Variants in DACH2 observed in about 807,000 individuals in gnomAD.
The protein encoded by DACH2 is dachshund homolog 2.
In DACH2, 17 loss-of-function variants were observed where a neutral mutation model predicts 35.8. That is an observed-to-expected ratio of 0.48 (90% CI 0.33 to 0.71). DACH2 has a LOEUF of 0.71. Among genes scored for constraint, DACH2 ranks in the 30% least tolerant of loss-of-function variants. DACH2 has a pLI of 0.02. For missense variants in DACH2, 469 were observed against 472.7 expected, an observed-to-expected ratio of 0.99 and a Z score of 0.07; for synonymous variants, 195 against 177.3, an observed-to-expected ratio of 1.10 and a Z score of -0.79.
intron 3 of DACH2, among the ~76,000 whole-genome samples, chrX:86,528,237 T>A (rs2038662262): frequency 8.9e-6 from 1 of 111,744 alleles, no homozygotes; most frequent in Non-Finnish European, 1.9e-5. Context: ...AAACAAATAT[T>A]TGCAAACTAA....
At chrX:86,205,432 TCCTCCCTCCCTC>T (rs1249351925) in intron 1 of DACH2, among the ~76,000 whole-genome samples, 5 of 15,818 alleles carry the variant, frequency 3.2e-4, no homozygotes, top group South Asian at 4.8e-3. Flanking sequence ...CTTCCCTCCC[TCCTCCCTCCCTC>T]CCTCCCTCCC....
intron 2 of DACH2, among the ~76,000 whole-genome samples, chrX:86,510,708 T>G (rs1445837323): frequency 9.0e-6 from 1 of 111,410 alleles, no homozygotes; most frequent in African/African-American, 3.3e-5. Flanking sequence ...GCTGAGGTAT[T>G]TATTAAGTTT....
chrX:86,620,125 C>CTTTTA (rs1317061993), intron 3 of DACH2, among the ~76,000 whole-genome samples: 1 of 111,860 alleles, frequency 8.9e-6, no homozygotes, highest in African/African-American at 3.3e-5. Context: ...AAGTGGCTAA[C>CTTTTA]TTTTATTTTA....
intron 1 of DACH2, among the ~76,000 whole-genome samples, chrX:86,311,907 G>A (rs1023678962): frequency 2.7e-5 from 3 of 111,361 alleles, no homozygotes; most frequent in African/African-American, 6.5e-5. Context: ...CCATTAGGGC[G>A]TCTTTTAGTA....
At chrX:86,360,201 G>GT (rs1376936914) in intron 1 of DACH2, among the ~76,000 whole-genome samples, 41 of 111,074 alleles carry the variant, frequency 3.7e-4, no homozygotes, top group South Asian at 7.5e-4. Flanking sequence ...ACATCTATAT[G>GT]TTTTTTTCTT....
At chrX:86,399,304 C>T (rs1191991196) in intron 2 of DACH2, among the ~76,000 whole-genome samples, 2 of 111,659 alleles carry the variant, frequency 1.8e-5, no homozygotes, top group Non-Finnish European at 1.9e-5. Context: ...TTCCTGAATA[C>T]AGCACACTGA....
At chrX:86,552,649 C>T (rs763011021) in intron 3 of DACH2, among the ~76,000 whole-genome samples, 3 of 112,041 alleles carry the variant, frequency 2.7e-5, no homozygotes, top group South Asian at 3.7e-4. Flanking sequence ...CACATGTAGT[C>T]AAGTGTACTA....
At chrX:86,391,029 C>G (rs1253453835) in intron 2 of DACH2, among the ~76,000 whole-genome samples, 1 of 109,047 alleles carries the variant, frequency 9.2e-6, no homozygotes, top group Non-Finnish European at 1.9e-5. Flanking sequence ...GCCTGTAATC[C>G]CAGCACTTTG....
At position 86,785,234 on chromosome X, in the gene DACH2, T is replaced by A. The variant is rs772279830; in HGVS notation, c.1241-27622T>A. On this transcript the variant is annotated intron_variant, in intron 7 of 11. Coordinates refer to ENST00000373125, the MANE Select transcript of DACH2 (RefSeq NM_053281.3). ...GTACTTGTAAGACATCCACTGAAGA[T>A]GTTGCGTAAGCAGTGAAATATACAG... Among the ~76,000 whole-genome samples the A allele has an allele frequency of 7.2e-5, 8 of 111,759 alleles. No individual in the cohort carries two copies. The Admixed American group carries it at 7.6e-4, about 11-fold the overall frequency.
intron 2 of DACH2, among the ~76,000 whole-genome samples, chrX:86,419,256 C>A (rs1182966421): frequency 2.7e-5 from 3 of 111,992 alleles, no homozygotes; most frequent in Non-Finnish European, 5.6e-5. Context: ...CAACGCCCAA[C>A]TCTACTGGTA....
chrX:86,407,291 A>G (rs1195249472), intron 2 of DACH2, among the ~76,000 whole-genome samples: 1 of 111,801 alleles, frequency 8.9e-6, no homozygotes, highest in Non-Finnish European at 1.9e-5. Flanking sequence ...TTGAGCCTTC[A>G]TTTTCTTATT....
intron 1 of DACH2, among the ~76,000 whole-genome samples, chrX:86,172,878 A>G (rs2031172996): frequency 8.9e-6 from 1 of 111,792 alleles, no homozygotes; most frequent in Admixed American, 9.5e-5. Flanking sequence ...TTGAATGGAG[A>G]CTCAATTCCA....
chrX:86,176,986 T>C (rs2031324026), intron 1 of DACH2, among the ~76,000 whole-genome samples: 1 of 111,506 alleles, frequency 9.0e-6, no homozygotes, highest in Non-Finnish European at 1.9e-5. Flanking sequence ...AGTTTTTGGT[T>C]TTAATTTTCG....
intron 2 of DACH2, among the ~76,000 whole-genome samples, chrX:86,392,822 G>T (rs1454632789): frequency 4.5e-5 from 5 of 111,395 alleles, no homozygotes; most frequent in African/African-American, 1.3e-4. Flanking sequence ...CTTGCTCTTA[G>T]AATAAAGTTA....
intron 4 of DACH2, among the ~76,000 whole-genome samples, chrX:86,655,024 C>T (rs948068445): frequency 3.6e-5 from 4 of 111,605 alleles, no homozygotes; most frequent in African/African-American, 1.3e-4. Context: ...ACCTATCTCA[C>T]CATATAAACT....
chrX:86,673,229 C>T (rs932962116), intron 4 of DACH2, among the ~76,000 whole-genome samples: 5 of 105,555 alleles, frequency 4.7e-5, no homozygotes, highest in Non-Finnish European at 9.6e-5. Context: ...CCCAGCTACT[C>T]AGGAGGCTGA....
chrX:86,716,490 G>T (rs971500391), intron 6 of DACH2, among the ~76,000 whole-genome samples: 1 of 111,454 alleles, frequency 9.0e-6, no homozygotes, highest in African/African-American at 3.3e-5. Flanking sequence ...GAAACCAGGG[G>T]TTCAAGATCA....
At chrX:86,716,751 G>A (rs1602841552) in intron 6 of DACH2, among the ~76,000 whole-genome samples, 1 of 111,950 alleles carries the variant, frequency 8.9e-6, no homozygotes, top group East Asian at 2.8e-4. Flanking sequence ...TGGAAATGTG[G>A]TTCATAATTG....
At chrX:86,461,326 G>T (rs1001470487) in intron 2 of DACH2, among the ~76,000 whole-genome samples, 1 of 111,406 alleles carries the variant, frequency 9.0e-6, no homozygotes, top group Non-Finnish European at 1.9e-5. Context: ...AATTCTGAAT[G>T]CTGTTAACTT....
Sources: allele counts gnomAD v4.1 joint callset (sites outside exome capture counted in the v4.1 genomes callset), GRCh38; gene constraint gnomAD v4.1.1; transcripts MANE v1.5; gene names NCBI Gene and HGNC (gene_info 2026-07-23, HGNC 2026-07-21).